The following TBC1D12 variants were observed in gnomAD, a reference collection of about 807,000 sequenced individuals.
TBC1D12 encodes the protein TBC1 domain family, member 12.
A neutral mutation model predicts 86.7 loss-of-function variants in TBC1D12; 56 were observed. That is an observed-to-expected ratio of 0.65 (90% CI 0.52 to 0.81). TBC1D12 has a LOEUF of 0.81. Ranked by LOEUF, TBC1D12 falls within the 30% of genes least tolerant of loss-of-function variation. TBC1D12 has a pLI of 0.00. For synonymous variants in TBC1D12, 421 were observed against 411.7 expected, an observed-to-expected ratio of 1.02 and a Z score of -0.27; for missense variants, 1,023 against 1,038.8, an observed-to-expected ratio of 0.98 and a Z score of 0.21.
chr10:94,513,019 C>T (rs1469268297), intron 9 of TBC1D12, among the ~76,000 whole-genome samples: 3 of 151,890 alleles, frequency 2.0e-5, no homozygotes, highest in Non-Finnish European at 4.4e-5. Context: ...GAGGCCTAGG[C>T]GGGCAGATTC....
At chr10:94,496,584 GA>G (rs2056324155) in intron 4 of TBC1D12, among the ~76,000 whole-genome samples, 2 of 152,120 alleles carry the variant, frequency 1.3e-5, no homozygotes, top group Non-Finnish European at 2.9e-5. Context: ...TAATTCATAA[GA>G]AATTTGACTT....
intron 2 of TBC1D12, among the ~76,000 whole-genome samples, chr10:94,464,822 A>G (rs2055782937): frequency 6.6e-6 from 1 of 152,236 alleles, no homozygotes; most frequent in Non-Finnish European, 1.5e-5. Flanking sequence ...CATATTTGTG[A>G]AAAATGACTA....
intron 1 of TBC1D12, among the ~76,000 whole-genome samples, chr10:94,416,826 G>T (rs1476844260): frequency 6.6e-6 from 1 of 152,096 alleles, no homozygotes; most frequent in Non-Finnish European, 1.5e-5. Flanking sequence ...AAAGAAGAGG[G>T]TTTGGGTTAG....
At chr10:94,487,740 C>T (rs554500849) in intron 3 of TBC1D12, among the ~76,000 whole-genome samples, 1 of 147,696 alleles carries the variant, frequency 6.8e-6, no homozygotes, top group South Asian at 2.1e-4. Flanking sequence ...TCTGTCACCC[C>T]AGCTGGAGTG....
At chr10:94,465,454 T>A (rs1257344966) in intron 2 of TBC1D12, among the ~76,000 whole-genome samples, 1 of 152,120 alleles carries the variant, frequency 6.6e-6, no homozygotes, top group Non-Finnish European at 1.5e-5. Flanking sequence ...GAGCTCATCC[T>A]GGCTAACATG....
Position 94,536,213 on chromosome 10 carries a change from C to T in TBC1D12, c.*3117C>T, listed in dbSNP as rs996492022. Among the ~76,000 whole-genome samples, 2 of 151,770 alleles carry T rather than the reference C, an allele frequency of 1.3e-5. No individual in the cohort carries two copies. The highest frequency in any genetic ancestry group is 4.2e-4 in the South Asian group (2 of 4,810). On this transcript the variant is annotated 3_prime_UTR_variant, in exon 13 of 13. Transcript: ENST00000225235. ...TATTTTCAATTAAAAAAAAACTTTT[C>T]CTAAAATACTCAAAATAATGTGAAA...
chr10:94,516,908 T>G (rs1208181781), intron 9 of TBC1D12, among the ~76,000 whole-genome samples: 1 of 151,902 alleles, frequency 6.6e-6, no homozygotes, highest in Non-Finnish European at 1.5e-5. Flanking sequence ...TAAATTTTAT[T>G]TTGTGTTTTG....
intron 1 of TBC1D12, among the ~76,000 whole-genome samples, chr10:94,422,484 G>A (rs1013143640): frequency 5.3e-5 from 8 of 152,078 alleles, no homozygotes; most frequent in East Asian, 1.9e-4. Flanking sequence ...CACCACGCCC[G>A]GCTGGGTTCA....
chr10:94,508,745 C>CT (rs2056491007), intron 7 of TBC1D12: 2 of 152,128 alleles, frequency 1.3e-5, no homozygotes, highest in South Asian at 4.2e-4. Flanking sequence ...CAGATATTTT[C>CT]TTTAACATAT....
chr10:94,532,083 T>C (rs181121517), intron 12 of TBC1D12, among the ~76,000 whole-genome samples: 100 of 151,996 alleles, frequency 6.6e-4, no homozygotes, highest in African/African-American at 2.3e-3. Context: ...GGTTTCACTG[T>C]GTTAGCCAGG....
chr10:94,519,765 T>C (rs907977642), intron 9 of TBC1D12, among the ~76,000 whole-genome samples: 2 of 152,328 alleles, frequency 1.3e-5, no homozygotes, highest in South Asian at 2.1e-4. Context: ...GCCAGCAGTG[T>C]AGCATCTTCA....
chr10:94,493,296 C>T (rs1433053476), intron 3 of TBC1D12, 69 bp from the exon 4 acceptor site: 1 of 1,265,160 alleles, frequency 7.9e-7, no homozygotes, highest in Non-Finnish European at 1.1e-6. Flanking sequence ...GGTGTAAAAA[C>T]AAATAAGTTA....
chr10:94,477,125 T>TTAA (rs1413365798), intron 3 of TBC1D12, among the ~76,000 whole-genome samples: 3 of 152,212 alleles, frequency 2.0e-5, no homozygotes, highest in Non-Finnish European at 4.4e-5. Context: ...CTATCTATAG[T>TTAA]TATATTAATT....
chr10:94,402,876 G>C lies in TBC1D12; in HGVS notation c.263G>C (p.Cys88Ser). 1.3e-6 allele frequency: 2 copies of C among 1,511,042 alleles called. No individual in the cohort carries two copies. The highest frequency in any genetic ancestry group is 1.4e-5 in the African/African-American group (1 of 69,958). The allele number at this position is 1,511,042 out of a possible 1,614,324, so 93.6% of individuals were successfully genotyped here. A position where few individuals can be genotyped will look rare whatever the true frequency, so the allele number is the denominator to read the frequency against. The change falls in exon 1 of 13, where the codon TGT becomes TCT. Residue 88 changes from cysteine to serine, a missense_variant. Cys to Ser is a moderately radical substitution (Grantham distance 112, BLOSUM62 -1). Transcript: ENST00000225235. ...CAGCTGGAGCCGGGGCTCTGCTACT[G>C]TCCGCTCCCCGCTGGCCAGGCCGGC... ...GEQLEPGLCY[C>S]PLPAGQAGAP...
Position 94,454,460 on chromosome 10 carries a change from C to T in TBC1D12, c.1095+12441C>T, listed in dbSNP as rs183851490. Among the ~76,000 whole-genome samples, 723 of 152,306 alleles carry T rather than the reference C, an allele frequency of 4.7e-3. 4 individuals are homozygous for T. Among genetic ancestry groups the T allele is most frequent in the South Asian group, 0.011 (54 of 4,816 alleles). On this transcript the variant is annotated intron_variant, in intron 2 of 12. Transcript: ENST00000225235. Reference sequence around the variant, plus strand: ...TCCTGACCTCAGGTTATCCACCCGCCTCGGCCTCCCAAAGTGCTGAGATTA... The same window carrying T: ...TCCTGACCTCAGGTTATCCACCCGCTTCGGCCTCCCAAAGTGCTGAGATTA...
chr10:94,437,607 TA>T (rs1347010660), intron 1 of TBC1D12, among the ~76,000 whole-genome samples: 1 of 152,206 alleles, frequency 6.6e-6, no homozygotes, highest in Non-Finnish European at 1.5e-5. Flanking sequence ...TTTCTTCACG[TA>T]TTTTTTCTGC....
At chr10:94,492,136 C>T (rs1342772428) in intron 3 of TBC1D12, among the ~76,000 whole-genome samples, 5 of 152,090 alleles carry the variant, frequency 3.3e-5, no homozygotes, top group Non-Finnish European at 7.3e-5. Context: ...TTGATGGCAA[C>T]ATATTGTGCT....
At chr10:94,404,450 A>G (rs2054822718) in intron 1 of TBC1D12, among the ~76,000 whole-genome samples, 1 of 152,030 alleles carries the variant, frequency 6.6e-6, no homozygotes, top group Non-Finnish European at 1.5e-5. Context: ...GTTCGAGACC[A>G]GCCTGGCCAA....
At chr10:94,459,931 C>A (rs2055698950) in intron 2 of TBC1D12, among the ~76,000 whole-genome samples, 1 of 152,204 alleles carries the variant, frequency 6.6e-6, no homozygotes, top group African/African-American at 2.4e-5. Context: ...TCAGCCTGCC[C>A]AGAGAGGGGC....
Sources: allele counts gnomAD v4.1 joint callset (sites outside exome capture counted in the v4.1 genomes callset), GRCh38; gene constraint gnomAD v4.1.1; transcripts MANE v1.5; gene names NCBI Gene and HGNC (gene_info 2026-07-23, HGNC 2026-07-21).